CNOT3: variants seen among roughly 807,000 people sequenced by gnomAD.
CNOT3 encodes CCR4-associated factor 3.
In CNOT3, 2 loss-of-function variants were observed where a neutral mutation model predicts 89.4. That is an observed-to-expected ratio of 0.02 (90% CI 0.01 to 0.07). The LOEUF (loss-of-function observed/expected upper bound fraction) is 0.07, where lower values mean the gene tolerates loss of function less well. CNOT3 is among the 10% of genes least tolerant of loss of function. CNOT3 has a pLI of 1.00. For missense variants in CNOT3, 664 were observed against 1,010.2 expected, an observed-to-expected ratio of 0.66 and a Z score of 4.65; for synonymous variants, 486 against 402.0, an observed-to-expected ratio of 1.21 and a Z score of -2.50.
At chr19:54,138,852 C>A (rs2074332467) in intron 1 of CNOT3, among the ~76,000 whole-genome samples, 1 of 152,230 alleles carries the variant, frequency 6.6e-6, no homozygotes, top group Admixed American at 6.5e-5. Context: ...GGGTACAGGA[C>A]CGTCCTCAGT....
rs898936978 is a variant in CNOT3 at position 54,148,435 on chromosome 19, G to A, written c.1182G>A (p.Gln394=). ...CCCAGCCCCGGCCCCCCAGCGTCCA[G>A]CCTAGCGGAGGCGGAGGCGGCGGCA... is the stretch of plus-strand genomic sequence containing the variant. ...STTQPRPPSV[Q]PSGGGGGGSG... is the part of the protein sequence containing the mutation. Residue 394 remains glutamine (Q), a synonymous_variant, in exon 11 of 18, where the codon CAG becomes CAA. Transcript: ENST00000221232. This position sits in a 1 kb window ranked among gnomAD's most constrained non-coding sequence, Gnocchi z 6.3. 4.8e-5 allele frequency: 76 copies of A among 1,569,430 alleles called. No homozygotes were observed. The highest frequency in any genetic ancestry group is 6.1e-5 in the Non-Finnish European group (71 of 1,155,858).
At position 54,137,872 on chromosome 19, in the gene CNOT3, C is replaced by G. The variant is rs904461431; in HGVS notation, c.-172C>G. The stretch of plus-strand genomic sequence containing the variant: ...AACCCCGGGCCCACTCCCCCAACCC[C>G]ACTTCCGCTTCGCGCCGCTATCGCG... On this transcript the variant is annotated 5_prime_UTR_variant, in exon 1 of 18. Coordinates refer to ENST00000221232, the MANE Select transcript of CNOT3 (RefSeq NM_014516.4). 3.9e-5 allele frequency: 6 copies of G among 152,110 alleles called. No homozygotes were observed. The highest frequency in any genetic ancestry group is 8.8e-5 in the Non-Finnish European group (6 of 67,982). 9.4% of individuals were successfully genotyped at this position (152,110 alleles called of 1,614,324 possible). A position where few individuals can be genotyped will look rare whatever the true frequency, so the allele number is the denominator to read the frequency against.
chr19:54,146,536 A>G, intron 9 of CNOT3, 65 bp from the exon 10 acceptor site: 1 of 838,168 alleles, frequency 1.2e-6, no homozygotes, highest in South Asian at 1.3e-5. Flanking sequence ...GCATTCAGAG[A>G]TTGGCGGTTC....
intron 17 of CNOT3, 67 bp downstream of exon 17, chr19:54,153,907 C>T (rs913246596): frequency 6.2e-7 from 1 of 1,601,358 alleles, no homozygotes. Context: ...TCCAGGCAGC[C>T]CCTGCTGGCC....
At chr19:54,141,491 G>A (rs1344186850) in intron 1 of CNOT3, 2 of 152,196 alleles carry the variant, frequency 1.3e-5, no homozygotes, top group African/African-American at 2.4e-5. Flanking sequence ...GTCACATGTG[G>A]TGATTAGTAA....
chr19:54,140,887 C>T (rs1242372601), intron 1 of CNOT3, among the ~76,000 whole-genome samples: 2 of 152,202 alleles, frequency 1.3e-5, no homozygotes, highest in African/African-American at 2.4e-5. Context: ...CGTGTGGAGA[C>T]ACAGGGAGGG....
chr19:54,146,568 A>C (rs1422653466), intron 9 of CNOT3, 33 bp from the exon 10 acceptor site: 1 of 1,099,476 alleles, frequency 9.1e-7, no homozygotes, highest in Non-Finnish European at 1.4e-6. Context: ...CCCAGAGGTC[A>C]CACAGGTTTC....
Position 54,148,755 on chromosome 19 carries a change from G to C in CNOT3, c.1406+12G>C. ...CCTCCCAGCACCTCGTGAGTGTCTCGGCCATCGGCAGGGTTGGGATGGCAG... is the reference window on the plus strand; with the variant it reads ...CCTCCCAGCACCTCGTGAGTGTCTCCGCCATCGGCAGGGTTGGGATGGCAG... On this transcript the variant is annotated intron_variant, in intron 12 of 17. Coordinates refer to ENST00000221232, the MANE Select transcript of CNOT3 (RefSeq NM_014516.4). This position sits in a 1 kb window ranked among gnomAD's most constrained non-coding sequence, Gnocchi z 6.3. 1 of 1,609,396 alleles carries C rather than the reference G, an allele frequency of 6.2e-7. No individual in the cohort carries two copies. The highest frequency in any genetic ancestry group is 8.5e-7 in the Non-Finnish European group (1 of 1,178,276).
At chr19:54,152,402 G>A in intron 14 of CNOT3, 26 bp from the exon 15 acceptor site, 3 of 1,613,824 alleles carry the variant, frequency 1.9e-6, no homozygotes, top group Non-Finnish European at 2.5e-6. Context: ...ACCACTGAGG[G>A]GGCCGGACCC....
At chr19:54,150,570 G>GCCCAGGCTGTCCAGGAGGCAGTGTGCGCA (rs2075024193) in intron 13 of CNOT3, among the ~76,000 whole-genome samples, 2 of 108,896 alleles carry the variant, frequency 1.8e-5, no homozygotes, top group East Asian at 4.5e-4. Context: ...CAGTGTGTAT[G>GCCCAGGCTGTCCAGGAGGCAGTGTGCGCA]CCCAGGCTGT....
rs2075362232 is a variant in CNOT3 at position 54,155,607 on chromosome 19, TCCCCA to T, written c.*201_*205del. On this transcript the variant is annotated 3_prime_UTR_variant, in exon 18 of 18. Transcript: ENST00000221232. ...GGGCGAGGGCTGCCCCCTCCTCCCCTCCCCAGTGAGGGACATTTTTTGGTAAACCT... is the reference window on the plus strand; with the variant it reads ...GGGCGAGGGCTGCCCCCTCCTCCCCTGTGAGGGACATTTTTTGGTAAACCT... 2.5e-6 allele frequency: 3 copies of T among 1,187,472 alleles called. No individual in the cohort carries two copies. In the Admixed American group the frequency reaches 7.3e-5, roughly 29 times the overall value. The allele number at this position is 1,187,472 out of a possible 1,614,324, so 73.6% of individuals were successfully genotyped here. A position where few individuals can be genotyped will look rare whatever the true frequency, so the allele number is the denominator to read the frequency against.
intron 1 of CNOT3, among the ~76,000 whole-genome samples, chr19:54,141,040 T>G (rs146832020): frequency 2.1e-4 from 32 of 152,286 alleles, no homozygotes; most frequent in Middle Eastern, 3.4e-3. Flanking sequence ...CGTTTCACAT[T>G]CTTGTTCCCC....
chr19:54,152,821 C>A (rs754817015), intron 15 of CNOT3, 46 bp from the exon 16 acceptor site: 3 of 951,258 alleles, frequency 3.2e-6, no homozygotes, highest in Non-Finnish European at 3.3e-6. Context: ...TTGATCACGA[C>A]AGGACTAGTA....
chr19:54,146,693 C>T, intron 10 of CNOT3, 36 bp downstream of exon 10: 1 of 1,197,014 alleles, frequency 8.4e-7, no homozygotes, highest in Non-Finnish European at 1.3e-6. Flanking sequence ...GCACGCCATT[C>T]ACTCCTCTGT....
Position 54,148,905 on chromosome 19 carries a change from C to T in CNOT3, c.1406+162C>T, listed in dbSNP as rs1460527716. Among the ~76,000 whole-genome samples the T allele has an allele frequency of 6.6e-6, 1 of 152,258 alleles. No individual in the cohort carries two copies. Among genetic ancestry groups the T allele is most frequent in the African/African-American group, 2.4e-5 (1 of 41,468 alleles). On this transcript the variant is annotated intron_variant, in intron 12 of 17. Transcript: ENST00000221232. This position sits in a 1 kb window ranked among gnomAD's most constrained non-coding sequence, Gnocchi z 6.3. Reference sequence around the variant, plus strand: ...TCCCTCGGGTGTTACACCCCCACTTCTTTCCAGCAAGGAAACTACATCAGC... The same window carrying T: ...TCCCTCGGGTGTTACACCCCCACTTTTTTCCAGCAAGGAAACTACATCAGC...
In CNOT3 at chr19:54,145,638, A is replaced by C; in HGVS notation, c.524A>C (p.Lys175Thr). ...GAGGGCTTGAAGCGGCACATCGAGAAGCACCGCTACCACGTGCGCATGCTA... is the reference window on the plus strand; with the variant it reads ...GAGGGCTTGAAGCGGCACATCGAGACGCACCGCTACCACGTGCGCATGCTA... Reference protein sequence around the residue: ...RIEGLKRHIEKHRYHVRMLET... With the variant: ...RIEGLKRHIETHRYHVRMLET... The change falls in exon 8 of 18, where the codon AAG (lysine) becomes ACG (threonine). Residue 175 changes from lysine (K) to threonine (T), a missense_variant. Coordinates refer to ENST00000221232, the MANE Select transcript of CNOT3 (RefSeq NM_014516.4). The surrounding 1 kb of genome is among the most constrained non-coding windows in gnomAD (Gnocchi z 5.9). The C allele has an allele frequency of 6.2e-7, 1 of 1,613,932 alleles. No homozygotes were observed. The highest frequency in any genetic ancestry group is 2.2e-5 in the East Asian group (1 of 44,872).
At chr19:54,141,092 T>G (rs2074431784) in intron 1 of CNOT3, among the ~76,000 whole-genome samples, 2 of 152,182 alleles carry the variant, frequency 1.3e-5, no homozygotes, top group Non-Finnish European at 2.9e-5. Flanking sequence ...TGTTGGACTT[T>G]GGTGAGGATC....
At chr19:54,153,961 C>A in intron 17 of CNOT3, 121 bp downstream of exon 17, 1 of 1,280,916 alleles carries the variant, frequency 7.8e-7, no homozygotes, top group Non-Finnish European at 1.1e-6. Context: ...AGTCCCTCAG[C>A]CTGACCAAGT....
intron 17 of CNOT3, chr19:54,154,210 T>G (rs1386830730): frequency 2.4e-6 from 1 of 422,732 alleles, no homozygotes; most frequent in Non-Finnish European, 4.6e-6. Flanking sequence ...GGGACCTTGA[T>G]GGCCCCCACT....
Sources: gnomAD v4.1 joint callset for allele counts (sites outside exome capture counted in the v4.1 genomes callset) on GRCh38, gnomAD v4.1.1 for gene constraint, Gnocchi (gnomAD v3.1) non-coding constraint, MANE v1.5 for transcripts, NCBI Gene and HGNC (gene_info 2026-07-23, HGNC 2026-07-21) for gene names.